Variants in RPTOR observed in about 807,000 individuals in gnomAD.
The protein encoded by RPTOR is regulatory associated protein of MTOR complex 1, also known as regulatory-associated protein of mTOR.
In RPTOR, 21 loss-of-function variants were observed where a neutral mutation model predicts 169.9. That is an observed-to-expected ratio of 0.12 (90% confidence interval 0.09 to 0.18). The LOEUF (loss-of-function observed/expected upper bound fraction) is 0.18. Among genes scored for constraint, RPTOR ranks in the 10% least tolerant of loss-of-function variants. The pLI, the probability that RPTOR is intolerant of heterozygous loss-of-function variation, is 1.00. For synonymous variants in RPTOR, 732 were observed against 753.2 expected (o/e 0.97, Z 0.46); for missense variants, 1,133 against 1,855.9 (o/e 0.61, Z 7.16).
In RPTOR at chr17:80,964,319, C is replaced by T. The variant is rs1320914484; in HGVS notation, c.3997C>T (p.Arg1333Cys). The T allele has an allele frequency of 2.5e-6, 4 of 1,608,018 alleles. No individual in the cohort carries two copies. Among genetic ancestry groups the T allele is most frequent in the Admixed American group, 1.7e-5 (1 of 60,022 alleles). ...CATCTCCGTGTACTCGGTGGAGAAG[C>T]GTGTCAGATAGCGGCGTGACCCGGG... ...YYISVYSVEK[R>C]VR Residue 1333 changes from arginine to cysteine, a missense_variant, in exon 34 of 34, where the codon CGT becomes TGT. Arg to Cys is a radical substitution (Grantham distance 180). Coordinates refer to ENST00000306801, the MANE Select transcript of RPTOR (RefSeq NM_020761.3).
At chr17:80,843,396 G>A (rs1172703390) in intron 10 of RPTOR, among the ~76,000 whole-genome samples, 2 of 150,640 alleles carry the variant, frequency 1.3e-5, no homozygotes, top group Non-Finnish European at 2.9e-5. Context: ...ACTCCAGCCT[G>A]GGCAACAGAG....
chr17:80,667,236 T>C (rs1415312098), intron 3 of RPTOR, among the ~76,000 whole-genome samples: 6 of 152,040 alleles, frequency 3.9e-5, no homozygotes, highest in Non-Finnish European at 8.8e-5. Flanking sequence ...AGACGGGTCT[T>C]GGAGAGGCTG....
intron 7 of RPTOR, among the ~76,000 whole-genome samples, chr17:80,809,359 T>G (rs1407040684): frequency 1.3e-5 from 2 of 152,062 alleles, no homozygotes; most frequent in African/African-American, 4.8e-5. Context: ...GCCCAGCTGA[T>G]TTTTTGTATT....
Position 80,923,531 on chromosome 17 carries a change from C to T in RPTOR, c.2666C>T (p.Thr889Ile), listed in dbSNP as rs994896414. ...TCCAGCACCAGCAGCTCCAGCCTGA[C>T]CAACGATGTGGCCAAGCAGCCGGTC... Reference protein sequence around the residue: ...PASSTSSSSLTNDVAKQPVSR... With the variant: ...PASSTSSSSLINDVAKQPVSR... Residue 889 changes from threonine (T) to isoleucine (I), a missense_variant, in exon 23 of 34, where the codon ACC (threonine) becomes ATC (isoleucine). This residue lies in a region of RPTOR where 123 missense variants were observed against 129.0 expected (regional missense o/e 0.95). Coordinates refer to ENST00000306801, the MANE Select transcript of RPTOR (RefSeq NM_020761.3). 18 of 1,613,298 alleles carry T rather than the reference C, an allele frequency of 1.1e-5. No homozygotes were observed. The highest frequency in any genetic ancestry group is 1.5e-5 in the Non-Finnish European group (18 of 1,180,000).
rs1337308018 is a variant in RPTOR at position 80,546,780 on chromosome 17, GC to G, written c.162+990del. Among the ~76,000 whole-genome samples the G allele has an allele frequency of 2.6e-5, 4 of 152,194 alleles. No individual in the cohort carries two copies. In the East Asian group the frequency reaches 7.7e-4, roughly 29 times the overall value. On this transcript the variant is annotated intron_variant, in intron 1 of 33. Coordinates refer to ENST00000306801, the MANE Select transcript of RPTOR (RefSeq NM_020761.3). ...ATAAGATTACACTTCTGGGCTGGGC[GC>G]GGTGGCTCACGCCTGTAATCTCAGC...
At chr17:80,922,554 A>T (rs969719839) in intron 21 of RPTOR, among the ~76,000 whole-genome samples, 170 bp from the exon 22 acceptor site, 24 of 152,290 alleles carry the variant, frequency 1.6e-4, no homozygotes, top group African/African-American at 5.8e-4. Flanking sequence ...GAGCTTCAGG[A>T]TTGCCTTTGC....
At chr17:80,657,869 A>AT (rs953927342) in intron 3 of RPTOR, among the ~76,000 whole-genome samples, 2 of 152,074 alleles carry the variant, frequency 1.3e-5, no homozygotes, top group South Asian at 2.1e-4. Context: ...CCTGTTCTTT[A>AT]TTTTTTCTCT....
intron 24 of RPTOR, among the ~76,000 whole-genome samples, chr17:80,937,747 G>A (rs1300719864): frequency 2.0e-5 from 3 of 152,186 alleles, no homozygotes; most frequent in East Asian, 1.9e-4. Flanking sequence ...GAAGAGCTGC[G>A]GTGTCATTTG....
intron 3 of RPTOR, among the ~76,000 whole-genome samples, chr17:80,668,032 C>T (rs1598206658): frequency 6.6e-6 from 1 of 152,162 alleles, no homozygotes; most frequent in East Asian, 1.9e-4. Context: ...GACATGGAAG[C>T]TGCACAGAGG....
chr17:80,584,890 C>T (rs1018130647), intron 1 of RPTOR, among the ~76,000 whole-genome samples: 4 of 152,168 alleles, frequency 2.6e-5, no homozygotes, highest in African/African-American at 9.7e-5. Flanking sequence ...TGGGTATTCA[C>T]TGGCAAGATG....
chr17:80,829,284 G>T (rs1410058332), intron 9 of RPTOR, among the ~76,000 whole-genome samples: 2 of 152,322 alleles, frequency 1.3e-5, no homozygotes, highest in East Asian at 3.9e-4. Context: ...AGGCGTGGGG[G>T]CTTTCAGACA....
chr17:80,900,639 G>A (rs112742667), intron 20 of RPTOR, among the ~76,000 whole-genome samples: 7,932 of 152,302 alleles, frequency 0.052, 418 homozygotes, highest in African/African-American at 0.13. Context: ...CACAGGAAGC[G>A]ACAGCAGCAT....
In RPTOR at chr17:80,782,225, C is replaced by T. The variant is rs142075080; in HGVS notation, c.831-9225C>T. Among the ~76,000 whole-genome samples the T allele has an allele frequency of 3.9e-3, 592 of 152,160 alleles. 2 individuals are homozygous for T. Among genetic ancestry groups the T allele is most frequent in the African/African-American group, 0.014 (561 of 41,502 alleles). On this transcript the variant is annotated intron_variant, in intron 6 of 33. Coordinates refer to ENST00000306801, the MANE Select transcript of RPTOR (RefSeq NM_020761.3). ...GTGATTCCTCCACCCTGTGAACACA[C>T]GTGGAAATTGACACGGTGGACTCTG...
At chr17:80,930,809 G>C (rs1476599305) in intron 24 of RPTOR, among the ~76,000 whole-genome samples, 1 of 152,238 alleles carries the variant, frequency 6.6e-6, no homozygotes, top group Non-Finnish European at 1.5e-5. Flanking sequence ...CAGTCTCCGA[G>C]GCAGCAGGAC....
intron 4 of RPTOR, among the ~76,000 whole-genome samples, chr17:80,723,843 T>A (rs1346947259): frequency 1.3e-5 from 2 of 151,462 alleles, no homozygotes; most frequent in East Asian, 3.8e-4. Context: ...TAGACTAATC[T>A]TTCCAGAAGT....
chr17:80,898,059 G>A (rs549884015), intron 20 of RPTOR, among the ~76,000 whole-genome samples: 1 of 152,298 alleles, frequency 6.6e-6, no homozygotes, highest in Non-Finnish European at 1.5e-5. Flanking sequence ...ATTTGCCCCT[G>A]AACTGTCTGG....
chr17:80,831,683 G>A (rs2067504769), intron 9 of RPTOR, among the ~76,000 whole-genome samples: 1 of 152,212 alleles, frequency 6.6e-6, no homozygotes, highest in African/African-American at 2.4e-5. Context: ...GTATCCTTGT[G>A]TATCACTATG....
At chr17:80,598,716 T>G (rs1361705677) in intron 1 of RPTOR, among the ~76,000 whole-genome samples, 1 of 152,192 alleles carries the variant, frequency 6.6e-6, no homozygotes, top group Non-Finnish European at 1.5e-5. Context: ...AATCTGTGTT[T>G]TCCCTGCATG....
chr17:80,743,254 C>T lies in RPTOR; in HGVS notation c.655-10756C>T, dbSNP rs936232616. 12 of 985,354 alleles carry T rather than the reference C, an allele frequency of 1.2e-5. No individual in the cohort carries two copies. In the African/African-American group the frequency reaches 1.9e-4, roughly 16 times the overall value. 61.0% of individuals were successfully genotyped at this position (985,354 alleles called of 1,614,324 possible). ...TTCATTAGAGAAGTAAGCAGAAACA[C>T]AGCAGCTGATGATGAACAAAATGTT... On this transcript the variant is annotated intron_variant, in intron 5 of 33. Transcript: ENST00000306801.
Sources: allele counts gnomAD v4.1 joint callset (sites outside exome capture counted in the v4.1 genomes callset), GRCh38; gene constraint gnomAD v4.1.1; regional missense constraint gnomAD v4.1.1; transcripts MANE v1.5; gene names NCBI Gene and HGNC (gene_info 2026-07-23, HGNC 2026-07-21).